The following GARNL3 variants were observed in gnomAD, a reference collection of about 807,000 sequenced individuals.
GARNL3 encodes GTPase-activating Rap/Ran-GAP domain-like protein 3.
A neutral mutation model predicts 125.0 loss-of-function variants in GARNL3; 63 were observed. The ratio of observed to expected loss-of-function variants is 0.50; its 90% CI spans 0.41 to 0.62. GARNL3 has a LOEUF of 0.62. Ranked by LOEUF, GARNL3 falls within the 20% of genes least tolerant of loss-of-function variation. The probability of loss-of-function intolerance (pLI) is 0.00; values close to 1 mark genes in which losing one functional copy is unlikely to be tolerated. For missense variants in GARNL3, 994 were observed against 1,244.0 expected, an observed-to-expected ratio of 0.80 and a Z score of 3.02; for synonymous variants, 439 against 457.5, an observed-to-expected ratio of 0.96 and a Z score of 0.52.
chr9:127,287,992 C>T (rs2064301978), intron 1 of GARNL3, among the ~76,000 whole-genome samples: 1 of 152,158 alleles, frequency 6.6e-6, no homozygotes, highest in Non-Finnish European at 1.5e-5. Flanking sequence ...TCCCATATTT[C>T]TTGTTTATGA....
intron 7 of GARNL3, among the ~76,000 whole-genome samples, chr9:127,330,003 T>C (rs1167740645): frequency 6.6e-6 from 1 of 152,224 alleles, no homozygotes; most frequent in African/African-American, 2.4e-5. Context: ...TTTAGTCTAG[T>C]GGTTCTCAAA....
At chr9:127,258,058 G>A (rs891960677) in intron 2 of GARNL3, among the ~76,000 whole-genome samples, 5 of 152,104 alleles carry the variant, frequency 3.3e-5, no homozygotes, top group Non-Finnish European at 5.9e-5. Flanking sequence ...TTGAGGTCAC[G>A]GTGGTCATGT....
At chr9:127,353,720 C>T (rs1485357512) in intron 17 of GARNL3, 126 bp from the exon 18 acceptor site, 3 of 752,394 alleles carry the variant, frequency 4.0e-6, no homozygotes, top group South Asian at 1.4e-5. Context: ...TATGAAAGCC[C>T]TAGAAGCTGA....
chr9:127,261,362 G>C (rs1668894629), upstream of GARNL3, among the ~76,000 whole-genome samples: 1 of 151,440 alleles, frequency 6.6e-6, no homozygotes, highest in African/African-American at 2.4e-5. Context: ...TGGCAGATAA[G>C]GAAAGAGACC....
chr9:127,264,739 G>A, upstream of GARNL3: 2 of 1,266,504 alleles, frequency 1.6e-6, no homozygotes, highest in Non-Finnish European at 2.0e-6. Flanking sequence ...GGATGACTCT[G>A]GCGTTTGCTT....
At chr9:127,377,643 C>T (rs893685652) in intron 22 of GARNL3, among the ~76,000 whole-genome samples, 4 of 151,592 alleles carry the variant, frequency 2.6e-5, no homozygotes, top group Non-Finnish European at 5.9e-5. Context: ...AAAAATTAGC[C>T]GGGCGTGGTG....
At chr9:127,331,253 C>T (rs1829217857) in intron 7 of GARNL3, among the ~76,000 whole-genome samples, 1 of 152,136 alleles carries the variant, frequency 6.6e-6, no homozygotes, top group African/African-American at 2.4e-5. Flanking sequence ...CTTTGGGAGG[C>T]TGAGGCAGGT....
chr9:127,322,557 T>C (rs551512175), intron 6 of GARNL3, among the ~76,000 whole-genome samples: 2 of 152,336 alleles, frequency 1.3e-5, no homozygotes, highest in South Asian at 4.1e-4. Context: ...ACTTTCCCCT[T>C]GTCCTCTGTG....
At chr9:127,339,036 G>T (rs963915833) in intron 12 of GARNL3, among the ~76,000 whole-genome samples, 1 of 152,184 alleles carries the variant, frequency 6.6e-6, no homozygotes, top group Non-Finnish European at 1.5e-5. Context: ...GGTGGCTCAT[G>T]CCTGTAATCC....
intron 22 of GARNL3, among the ~76,000 whole-genome samples, chr9:127,377,708 A>G (rs1015340513): frequency 1.3e-5 from 2 of 150,150 alleles, no homozygotes; most frequent in Non-Finnish European, 3.0e-5. Flanking sequence ...AATCGCTTGA[A>G]CTCAGTGGGG....
At chr9:127,362,102 G>A (rs1260827092) in intron 21 of GARNL3, 10 of 130,048 alleles carry the variant, frequency 7.7e-5, no homozygotes, top group African/African-American at 1.8e-4. Context: ...ACAGAGTTTC[G>A]CTCTTGTACC....
intron 17 of GARNL3, among the ~76,000 whole-genome samples, chr9:127,350,573 G>A (rs1015940375): frequency 6.6e-6 from 1 of 151,952 alleles, no homozygotes; most frequent in African/African-American, 2.4e-5. Flanking sequence ...AGGTGTTCGA[G>A]ACCAGCTTGG....
intron 1 of GARNL3, among the ~76,000 whole-genome samples, chr9:127,269,026 T>G (rs1255826860): frequency 6.6e-6 from 1 of 152,192 alleles, no homozygotes; most frequent in African/African-American, 2.4e-5. Flanking sequence ...TGAGGCAGGA[T>G]CTCACCTTGT....
Position 127,291,153 on chromosome 9 carries a change from C to CT in GARNL3, c.145-10dup, listed in dbSNP as rs1328773122. On this transcript the variant is annotated splice_polypyrimidine_tract_variant and intron_variant, in intron 1 of 27. Transcript: ENST00000373387. ...ATTGTAAATGCTTCCTAATTGAATG[C>CT]TTTTTCCCCCCTAGCTTATTTCCAG... is the stretch of plus-strand genomic sequence containing the variant. The CT allele has an allele frequency of 7.4e-6, 12 of 1,613,140 alleles. No individual in the cohort carries two copies. Among genetic ancestry groups the CT allele is most frequent in the East Asian group, 2.2e-5 (1 of 44,890 alleles).
At chr9:127,387,993 A>G (rs974921380) in intron 25 of GARNL3, among the ~76,000 whole-genome samples, 2 of 151,866 alleles carry the variant, frequency 1.3e-5, no homozygotes, top group African/African-American at 4.8e-5. Context: ...AAAAAATACA[A>G]AAACTAGCTG....
intron 7 of GARNL3, among the ~76,000 whole-genome samples, chr9:127,331,250 A>G (rs1458503550): frequency 6.6e-6 from 1 of 152,170 alleles, no homozygotes; most frequent in Non-Finnish European, 1.5e-5. Flanking sequence ...GCACTTTGGG[A>G]GGCTGAGGCA....
chr9:127,239,931 A>G (rs2131159790), intron 1 of GARNL3, among the ~76,000 whole-genome samples: 1 of 152,300 alleles, frequency 6.6e-6, no homozygotes, highest in East Asian at 1.9e-4. Flanking sequence ...TAAAATCTTA[A>G]AGTTTAAAGG....
intron 22 of GARNL3, among the ~76,000 whole-genome samples, chr9:127,366,439 C>T (rs1461614862): frequency 2.0e-5 from 3 of 152,190 alleles, no homozygotes; most frequent in Non-Finnish European, 4.4e-5. Flanking sequence ...CTCTCCCACA[C>T]CCCATGGGCC....
chr9:127,255,273 GATGCAGCAGGATATCAT>G (rs2063478131), intron 2 of GARNL3, among the ~76,000 whole-genome samples: 1 of 152,222 alleles, frequency 6.6e-6, no homozygotes, highest in Admixed American at 6.5e-5. Flanking sequence ...GGAGGATATT[GATGCAGCAGGATATCAT>G]ATAGCAGCTA....
Sources: allele counts gnomAD v4.1 joint callset (sites outside exome capture counted in the v4.1 genomes callset), GRCh38; gene constraint gnomAD v4.1.1; transcripts MANE v1.5; gene names NCBI Gene and HGNC (gene_info 2026-07-23, HGNC 2026-07-21).